Variants in ACAD10 observed in about 807,000 individuals in gnomAD.
ACAD10 encodes the protein acyl-CoA dehydrogenase family member 10.
ACAD10 carries 112 observed loss-of-function variants against 116.8 expected under a neutral mutation model. That is an observed-to-expected ratio of 0.96 (90% CI 0.82 to 1.12). ACAD10 has a LOEUF of 1.12. Among genes scored for constraint, ACAD10 ranks in the 50% most tolerant of loss-of-function variants. The pLI, the probability that ACAD10 is intolerant of heterozygous loss-of-function variation, is 0.00. For missense variants in ACAD10, 1,259 were observed against 1,350.2 expected (o/e 0.93, Z 1.06); for synonymous variants, 486 against 510.6 (o/e 0.95, Z 0.65).
At chr12:111,725,126 G>A (rs970646160) in intron 8 of ACAD10, among the ~76,000 whole-genome samples, 4 of 152,156 alleles carry the variant, frequency 2.6e-5, no homozygotes, top group Non-Finnish European at 5.9e-5. Flanking sequence ...ATGTGTGTGT[G>A]TATACATGTA....
intron 2 of ACAD10, among the ~76,000 whole-genome samples, chr12:111,697,580 C>A: frequency 7.7e-6 from 1 of 130,058 alleles, no homozygotes; most frequent in East Asian, 6.1e-4. Flanking sequence ...AGGTTGGTCT[C>A]TCTCTTTTTT....
chr12:111,749,136 A>G (rs772874843), intron 17 of ACAD10, 37 bp from the exon 18 acceptor site: 6 of 1,613,802 alleles, frequency 3.7e-6, no homozygotes, highest in Non-Finnish European at 4.2e-6. Flanking sequence ...GAAAATGACT[A>G]TGGCTATTGC....
In ACAD10 at chr12:111,747,241, A is replaced by G. The variant is rs148973848; in HGVS notation, c.2395-54A>G. On this transcript the variant is annotated intron_variant, in intron 15 of 20. Transcript: ENST00000313698. Reference sequence around the variant, plus strand: ...CTGGCCCTGTTGTTGTCGGCCCCACAGGGAACACGGGCTGTCTGCTGGCGT... The same window carrying G: ...CTGGCCCTGTTGTTGTCGGCCCCACGGGGAACACGGGCTGTCTGCTGGCGT... The G allele has an allele frequency of 1.1e-3, 1,748 of 1,611,818 alleles. 5 individuals are homozygous for G. The highest frequency in any genetic ancestry group is 4.3e-3 in the South Asian group (391 of 91,046).
Position 111,755,791 on chromosome 12 carries a change from G to C in ACAD10, c.3039+46G>C, listed in dbSNP as rs752316354. 8 of 1,572,460 alleles carry C rather than the reference G, an allele frequency of 5.1e-6. No homozygotes were observed. The South Asian group carries it at 5.5e-5, about 11-fold the overall frequency. On this transcript the variant is annotated intron_variant, in intron 20 of 20. Coordinates refer to ENST00000313698, the MANE Select transcript of ACAD10 (RefSeq NM_025247.6). ...TGGCTTATTTGAACCATCAATACTAGATGCCAAACTCTCCTATCTTCAGCC... is the reference window on the plus strand; with the variant it reads ...TGGCTTATTTGAACCATCAATACTACATGCCAAACTCTCCTATCTTCAGCC...
At chr12:111,687,837 G>A (rs899014050) in intron 1 of ACAD10, among the ~76,000 whole-genome samples, 11 of 151,992 alleles carry the variant, frequency 7.2e-5, no homozygotes, top group African/African-American at 2.4e-4. Context: ...AATCCAGAAC[G>A]AACATTCTTT....
chr12:111,735,715 A>G (rs760941003), intron 11 of ACAD10, among the ~76,000 whole-genome samples: 7 of 152,150 alleles, frequency 4.6e-5, no homozygotes, highest in Non-Finnish European at 8.8e-5. Flanking sequence ...TTGGCCTCCC[A>G]AAGTGCTAGG....
At chr12:111,695,901 C>G (rs1040026686) in intron 2 of ACAD10, among the ~76,000 whole-genome samples, 2 of 151,606 alleles carry the variant, frequency 1.3e-5, no homozygotes, top group African/African-American at 4.8e-5. Flanking sequence ...GAAATTGCAG[C>G]TACTCTGGAG....
intron 3 of ACAD10, among the ~76,000 whole-genome samples, chr12:111,705,477 C>T (rs1035279518): frequency 1.3e-5 from 2 of 152,202 alleles, no homozygotes; most frequent in Non-Finnish European, 2.9e-5. Flanking sequence ...CCCACCTCAG[C>T]CTCCCACAGT....
rs141973586 is a variant in ACAD10, at chr12:111,733,933, C to G, written c.1405C>G (p.Leu469Val). 2.4e-5 allele frequency: 38 copies of G among 1,614,230 alleles called. No individual in the cohort carries two copies. The African/African-American group carries it at 4.4e-4, about 19-fold the overall frequency. Residue 469 changes from leucine (L) to valine (V), a missense_variant, in exon 11 of 21, where the codon CTG becomes GTG. Leu to Val is a conservative substitution (Grantham distance 32). Transcript: ENST00000313698. ...CCTGCGACTTTTCAGGCTCGACAAC[C>G]TGGTGTTTCATCCAGAAGAGCCAGA... ...VVHGDFRLDNLVFHPEEPEVL... is the reference protein window; with the variant it reads ...VVHGDFRLDNVVFHPEEPEVL...
intron 5 of ACAD10, chr12:111,710,456 A>ACAT (rs1888644873): frequency 7.3e-6 from 2 of 273,868 alleles, no homozygotes; most frequent in South Asian, 5.7e-5. Flanking sequence ...AAACGTTGTA[A>ACAT]CATAATCTTC....
intron 12 of ACAD10, among the ~76,000 whole-genome samples, chr12:111,740,926 C>T (rs1159231665): frequency 1.3e-5 from 2 of 152,006 alleles, no homozygotes; most frequent in African/African-American, 2.4e-5. Flanking sequence ...CAGTCAGTGA[C>T]ACCCCAAGCT....
chr12:111,728,065 A>T lies in ACAD10; in HGVS notation c.1165A>T (p.Thr389Ser), dbSNP rs1220451888. 1 of 1,614,078 alleles carries T rather than the reference A, an allele frequency of 6.2e-7. No individual in the cohort carries two copies. The highest frequency in any genetic ancestry group is 8.5e-7 in the Non-Finnish European group (1 of 1,179,984). ...GCCCAGCCACAGACGAGCCATATAC[A>T]CTGCCATGAACACAGTCCTGTGCAA... ...LEPSHRRAIY[T>S]AMNTVLCKIH... Residue 389 changes from threonine to serine, a missense_variant, in exon 9 of 21, where the codon ACT becomes TCT. Coordinates refer to ENST00000313698, the MANE Select transcript of ACAD10 (RefSeq NM_025247.6).
chr12:111,730,706 T>G (rs1277771251), intron 10 of ACAD10, among the ~76,000 whole-genome samples: 1 of 152,134 alleles, frequency 6.6e-6, no homozygotes, highest in African/African-American at 2.4e-5. Context: ...AGGCCTTTTA[T>G]TAAACAAGAC....
chr12:111,688,258 G>T (rs1418072250), intron 1 of ACAD10: 1 of 152,138 alleles, frequency 6.6e-6, no homozygotes, highest in African/African-American at 2.4e-5. Context: ...ATTGGCCTTG[G>T]CATAGGAACG....
In ACAD10 at chr12:111,715,963, G is replaced by A; in HGVS notation, c.992+1G>A. On this transcript the variant is annotated splice_donor_variant, in intron 7 of 20. Coordinates refer to ENST00000313698, the MANE Select transcript of ACAD10 (RefSeq NM_025247.6). LOFTEE classifies it high-confidence loss of function. The stretch of plus-strand genomic sequence containing the variant: ...CCCATGCCATAGAGAGGGAGTTCAG[G>A]TAAGTTTTCAGGGCCAGGGGAGCAC... 3 of 1,613,900 alleles carry A rather than the reference G, an allele frequency of 1.9e-6. No individual in the cohort carries two copies. The highest frequency in any genetic ancestry group is 2.5e-6 in the Non-Finnish European group (3 of 1,179,840).
intron 8 of ACAD10, among the ~76,000 whole-genome samples, chr12:111,727,632 G>T (rs1889254805): frequency 6.6e-6 from 1 of 152,110 alleles, no homozygotes; most frequent in African/African-American, 2.4e-5. Context: ...ATTACACTTT[G>T]AATCCATTCC....
intron 6 of ACAD10, among the ~76,000 whole-genome samples, 193 bp downstream of exon 6, chr12:111,712,850 T>A (rs1160994863): frequency 1.3e-5 from 2 of 152,186 alleles, no homozygotes; most frequent in Non-Finnish European, 2.9e-5. Flanking sequence ...TCCCTATTTA[T>A]GCATCTCCAA....
Position 111,747,072 on chromosome 12 carries a change from C to G in ACAD10, c.2280C>G (p.Asp760Glu). 1.2e-6 allele frequency: 2 copies of G among 1,609,802 alleles called. No individual in the cohort carries two copies. The highest frequency in any genetic ancestry group is 1.3e-5 in the African/African-American group (1 of 74,974). ...AGGTATGTAACTGCTCTGCGCCTGACACGGGCAACATGGAGCTGCTGGTGA... is the reference window on the plus strand; with the variant it reads ...AGGTATGTAACTGCTCTGCGCCTGAGACGGGCAACATGGAGCTGCTGGTGA... Reference protein sequence around the residue: ...APEVCNCSAPDTGNMELLVRY... With the variant: ...APEVCNCSAPETGNMELLVRY... The change falls in exon 15 of 21, where the codon GAC becomes GAG. Residue 760 changes from aspartate (D) to glutamate (E), a missense_variant. Asp to Glu is a conservative substitution (Grantham distance 45, BLOSUM62 2). Coordinates refer to ENST00000313698, the MANE Select transcript of ACAD10 (RefSeq NM_025247.6).
At chr12:111,738,013 C>T (rs549125075) in intron 12 of ACAD10, among the ~76,000 whole-genome samples, 8 of 151,954 alleles carry the variant, frequency 5.3e-5, no homozygotes, top group Admixed American at 3.3e-4. Flanking sequence ...CCACCATACC[C>T]GCGTCATTTT....
Sources: allele counts gnomAD v4.1 joint callset (sites outside exome capture counted in the v4.1 genomes callset), GRCh38; gene constraint gnomAD v4.1.1; transcripts MANE v1.5; gene names NCBI Gene and HGNC (gene_info 2026-07-23, HGNC 2026-07-21).